MTHFD1L: variants seen among roughly 807,000 people sequenced by gnomAD.
MTHFD1L encodes the protein methylenetetrahydrofolate dehydrogenase (NADP+ dependent) 1 like, also known as monofunctional C1-tetrahydrofolate synthase, mitochondrial.
In MTHFD1L, 81 loss-of-function variants were observed where a neutral mutation model predicts 119.5. The ratio of observed to expected loss-of-function variants is 0.68; its 90% CI spans 0.57 to 0.82. The LOEUF (loss-of-function observed/expected upper bound fraction) is 0.82, where lower values mean the gene tolerates loss of function less well. Among genes scored for constraint, MTHFD1L ranks in the 40% least tolerant of loss-of-function variants. MTHFD1L has a pLI of 0.00. For missense variants in MTHFD1L, 1,125 were observed against 1,253.4 expected (o/e 0.90, Z 1.55); for synonymous variants, 430 against 475.2 (o/e 0.90, Z 1.24).
At chr6:151,100,411 C>G (rs1039941051) in intron 27 of MTHFD1L, among the ~76,000 whole-genome samples, 2 of 152,136 alleles carry the variant, frequency 1.3e-5, no homozygotes, top group East Asian at 3.9e-4. Context: ...GCTCCTCGTT[C>G]CCTCTCTTCA....
intron 20 of MTHFD1L, among the ~76,000 whole-genome samples, chr6:151,007,584 G>A (rs979824715): frequency 1.3e-5 from 2 of 152,116 alleles, no homozygotes; most frequent in African/African-American, 2.4e-5. Flanking sequence ...GGAGGGATCC[G>A]GGGTCCCGTC....
At chr6:150,982,288 G>A (rs1419059269) in intron 20 of MTHFD1L, among the ~76,000 whole-genome samples, 3 of 151,530 alleles carry the variant, frequency 2.0e-5, no homozygotes. Flanking sequence ...TGTCCTGCTA[G>A]CCATACTGGC....
intron 13 of MTHFD1L, among the ~76,000 whole-genome samples, chr6:150,942,232 C>G (rs1420618187): frequency 6.6e-6 from 1 of 152,124 alleles, no homozygotes; most frequent in Non-Finnish European, 1.5e-5. Flanking sequence ...GCACTCCAGC[C>G]CAGGCAACAA....
chr6:150,975,390 T>C (rs1562482068), intron 20 of MTHFD1L, among the ~76,000 whole-genome samples: 2 of 152,102 alleles, frequency 1.3e-5, no homozygotes, highest in South Asian at 4.1e-4. Context: ...CAGGAGACAG[T>C]GTTCCTTGCC....
At chr6:150,980,046 C>T (rs1777221409) in intron 20 of MTHFD1L, among the ~76,000 whole-genome samples, 1 of 151,848 alleles carries the variant, frequency 6.6e-6, no homozygotes, top group African/African-American at 2.4e-5. Context: ...AGACCTTGCC[C>T]TGTTTACATT....
chr6:150,877,960 C>T, intron 4 of MTHFD1L, 134 bp downstream of exon 4: 1 of 984,384 alleles, frequency 1.0e-6, no homozygotes, highest in South Asian at 1.5e-5. Flanking sequence ...GAAGACTTCA[C>T]TTCTTTTCTC....
chr6:150,932,805 A>AGG (rs1460751658), intron 11 of MTHFD1L, among the ~76,000 whole-genome samples: 18 of 128,396 alleles, frequency 1.4e-4, no homozygotes, highest in African/African-American at 2.4e-4. Flanking sequence ...AAAGGGAGGA[A>AGG]GAGAGGGAGG....
chr6:150,933,585 G>C (rs371195882), intron 11 of MTHFD1L, among the ~76,000 whole-genome samples: 1 of 151,958 alleles, frequency 6.6e-6, no homozygotes, highest in Non-Finnish European at 1.5e-5. Context: ...TCCATGCAGC[G>C]GTGTCAGGAT....
intron 7 of MTHFD1L, chr6:150,898,756 C>T (rs1171876378): frequency 1.3e-5 from 4 of 307,880 alleles, no homozygotes; most frequent in Middle Eastern, 1.1e-3. Flanking sequence ...TGTTACCACC[C>T]CCCATCTACA....
At chr6:151,093,756 A>G (rs1296573648) in intron 27 of MTHFD1L, among the ~76,000 whole-genome samples, 3 of 152,164 alleles carry the variant, frequency 2.0e-5, no homozygotes, top group African/African-American at 7.2e-5. Context: ...GTGTGGCACA[A>G]CAGGTGTGTT....
chr6:151,092,601 C>G lies in MTHFD1L; in HGVS notation c.*31+14C>G. ...GACCCGATGCAGGTAGGCTGATGTGCTTCAACTTTTTCTCTCTTTGTTTTT... is the reference window on the plus strand; with the variant it reads ...GACCCGATGCAGGTAGGCTGATGTGGTTCAACTTTTTCTCTCTTTGTTTTT... On this transcript the variant is annotated intron_variant, in intron 27 of 27. Coordinates refer to ENST00000367321, the MANE Select transcript of MTHFD1L (RefSeq NM_015440.5). 1 of 1,497,056 alleles carries G rather than the reference C, an allele frequency of 6.7e-7. No individual in the cohort carries two copies. The highest frequency in any genetic ancestry group is 9.1e-7 in the Non-Finnish European group (1 of 1,093,528). The allele number at this position is 1,497,056 out of a possible 1,614,324, so 92.7% of individuals were successfully genotyped here.
chr6:150,949,161 T>C, intron 16 of MTHFD1L, 28 bp downstream of exon 16: 6 of 1,593,212 alleles, frequency 3.8e-6, no homozygotes, highest in Admixed American at 1.7e-5. Flanking sequence ...GCCAGCAGGC[T>C]GATGGCCAGG....
chr6:151,054,721 A>G (rs1052853883), intron 26 of MTHFD1L, among the ~76,000 whole-genome samples: 3 of 152,208 alleles, frequency 2.0e-5, no homozygotes, highest in African/African-American at 7.2e-5. Flanking sequence ...TAAAATGGGT[A>G]ATCCAAAAAA....
intron 26 of MTHFD1L, among the ~76,000 whole-genome samples, chr6:151,050,560 C>T (rs949277101): frequency 1.3e-5 from 2 of 152,074 alleles, no homozygotes; most frequent in Non-Finnish European, 2.9e-5. Flanking sequence ...GAGGGGAGTC[C>T]TAGGAACTCC....
intron 27 of MTHFD1L, among the ~76,000 whole-genome samples, chr6:151,097,294 T>G (rs1337232853): frequency 1.3e-5 from 2 of 152,244 alleles, no homozygotes; most frequent in African/African-American, 4.8e-5. Flanking sequence ...TTGCTTTTTC[T>G]TGAATTACAT....
chr6:150,945,459 G>A lies in MTHFD1L; in HGVS notation c.1549-8G>A. ...TTGTGTGGTCTCATTTTTGTTTTGT[G>A]TTTTTAGGCTCTGTATAATCGGCTG... On this transcript the variant is annotated splice_polypyrimidine_tract_variant and splice_region_variant and intron_variant, in intron 14 of 27. Transcript: ENST00000367321. 1.9e-6 allele frequency: 3 copies of A among 1,609,244 alleles called. No homozygotes were observed. The highest frequency in any genetic ancestry group is 2.2e-5 in the South Asian group (2 of 89,424).
chr6:150,972,106 C>T, intron 20 of MTHFD1L, 48 bp downstream of exon 20: 1 of 1,510,938 alleles, frequency 6.6e-7, no homozygotes, highest in Non-Finnish European at 9.2e-7. Flanking sequence ...TTGAAGAAAT[C>T]TAAAAGCTGA....
At chr6:150,994,097 G>GAA (rs61147935) in intron 20 of MTHFD1L, among the ~76,000 whole-genome samples, 1 of 129,218 alleles carries the variant, frequency 7.7e-6, no homozygotes, top group Admixed American at 7.2e-5. Flanking sequence ...AAGAAAGAAA[G>GAA]TGACCCAGCA....
At chr6:151,010,331 C>G (rs2128482355) in intron 21 of MTHFD1L, among the ~76,000 whole-genome samples, 1 of 152,296 alleles carries the variant, frequency 6.6e-6, no homozygotes, top group Middle Eastern at 3.4e-3. Flanking sequence ...GTTAGAGGCT[C>G]TTGTCCCTGA....
Sources: allele counts gnomAD v4.1 joint callset (sites outside exome capture counted in the v4.1 genomes callset), GRCh38; gene constraint gnomAD v4.1.1; transcripts MANE v1.5; gene names NCBI Gene and HGNC (gene_info 2026-07-23, HGNC 2026-07-21).